The following CALU variants were observed in gnomAD, a reference collection of about 807,000 sequenced individuals.
CALU encodes calumenin, also known as IEF SSP 9302.
In CALU, 13 loss-of-function variants were observed where a neutral mutation model predicts 37.5. The observed-to-expected ratio is 0.35, with a 90% CI of 0.23 to 0.55. CALU has a LOEUF of 0.55. CALU is among the 20% of genes least tolerant of loss of function. The probability of loss-of-function intolerance (pLI) is 0.89; values close to 1 mark genes in which losing one functional copy is unlikely to be tolerated. For missense variants in CALU, 282 were observed against 391.7 expected, an observed-to-expected ratio of 0.72 and a Z score of 2.36; for synonymous variants, 114 against 133.8, an observed-to-expected ratio of 0.85 and a Z score of 1.02.
intron 1 of CALU, among the ~76,000 whole-genome samples, chr7:128,741,762 CT>C (rs1800251286): frequency 6.6e-6 from 1 of 152,170 alleles, no homozygotes; most frequent in South Asian, 2.1e-4. Context: ...GCTCCTATCC[CT>C]ACATTTCAAA....
intron 5 of CALU, chr7:128,761,429 A>C (rs1379957818): frequency 1.3e-5 from 2 of 152,214 alleles, no homozygotes; most frequent in Non-Finnish European, 2.9e-5. Context: ...CAAGTTCATC[A>C]TCAATATGGT....
At chr7:128,754,789 A>G (rs1039665850) in intron 3 of CALU, 2 of 882,320 alleles carry the variant, frequency 2.3e-6, no homozygotes, top group South Asian at 1.9e-5. Context: ...TGGGTCACAC[A>G]GTAAAGGAAA....
intron 5 of CALU, among the ~76,000 whole-genome samples, chr7:128,766,081 C>T (rs559321660): frequency 5.9e-5 from 9 of 152,140 alleles, no homozygotes; most frequent in Non-Finnish European, 1.2e-4. Flanking sequence ...CTCAGCCTCC[C>T]CAGTAGCTGG....
In CALU at chr7:128,758,962, C is replaced by T. The variant is rs751611721; in HGVS notation, c.507C>T (p.Leu169=). 2 of 1,613,706 alleles carry T rather than the reference C, an allele frequency of 1.2e-6. No individual in the cohort carries two copies. Among genetic ancestry groups the T allele is most frequent in the Non-Finnish European group, 1.7e-6 (2 of 1,179,656 alleles). Residue 169 remains leucine, a synonymous_variant, in exon 4 of 7, where the codon CTC becomes CTT. Transcript: ENST00000249364. ...RFKMADKDGD[L]IATKEEFTAF... ...AAATGGCAGACAAGGATGGAGACCT[C>T]ATTGCCACCAAGGAGGAGTTCACAG...
At chr7:128,741,737 CAACTAGA>C (rs1800249699) in intron 1 of CALU, among the ~76,000 whole-genome samples, 1 of 152,210 alleles carries the variant, frequency 6.6e-6, no homozygotes, top group Non-Finnish European at 1.5e-5. Context: ...AGCAAAATTA[CAACTAGA>C]AACCAAGGCT....
In CALU at chr7:128,769,282, G is replaced by T; in HGVS notation, c.*115G>T. ...CTACAAACTTTTTAAGACATGAAAA[G>T]GCGTAATGAAAACCATCCCGTCCCC... On this transcript the variant is annotated 3_prime_UTR_variant, in exon 7 of 7. Transcript: ENST00000249364. 1 of 602,820 alleles carries T rather than the reference G, an allele frequency of 1.7e-6. No homozygotes were observed. Among genetic ancestry groups the T allele is most frequent in the Non-Finnish European group, 2.9e-6 (1 of 343,048 alleles). The allele number at this position is 602,820 out of a possible 1,614,324, so 37.3% of individuals were successfully genotyped here.
chr7:128,752,120 T>C (rs115129344), intron 2 of CALU, among the ~76,000 whole-genome samples: 3,777 of 152,256 alleles, frequency 0.025, 187 homozygotes, highest in African/African-American at 0.086. Flanking sequence ...GAATGGCTTT[T>C]ACATTTTCAG....
chr7:128,740,705 C>T (rs1800206130), intron 1 of CALU, among the ~76,000 whole-genome samples: 2 of 151,998 alleles, frequency 1.3e-5, no homozygotes. Flanking sequence ...GTAGGAAAGC[C>T]ATGAGCTCAC....
chr7:128,755,116 G>A (rs1274262142), intron 3 of CALU, among the ~76,000 whole-genome samples: 2 of 147,680 alleles, frequency 1.4e-5, no homozygotes, highest in Non-Finnish European at 3.0e-5. Context: ...ACCAATCTGG[G>A]CAACATAGGG....
chr7:128,742,453 A>G (rs1264267656), intron 1 of CALU, among the ~76,000 whole-genome samples: 1 of 152,222 alleles, frequency 6.6e-6, no homozygotes, highest in Admixed American at 6.5e-5. Context: ...TCTTTGGTCA[A>G]CCATAATAAC....
rs1266722578 is a variant in CALU, at chr7:128,743,131, A to G, written c.-12+3699A>G. 2.6e-5 allele frequency among the ~76,000 whole-genome samples: 4 copies of G among 152,212 alleles called. No homozygotes were observed. In the East Asian group the frequency reaches 7.7e-4, roughly 29 times the overall value. On this transcript the variant is annotated intron_variant, in intron 1 of 6. Transcript: ENST00000249364. The stretch of plus-strand genomic sequence containing the variant: ...TAGTAGTCACATGTGGCTAGTGGCT[A>G]CTGTACTGGGCAGTACAGGCCTAGA...
At chr7:128,763,423 CAGG>C (rs1801200102) in intron 5 of CALU, among the ~76,000 whole-genome samples, 1 of 152,042 alleles carries the variant, frequency 6.6e-6, no homozygotes, top group African/African-American at 2.4e-5. Flanking sequence ...CCCAGCTACT[CAGG>C]AGGCTGAGGC....
In CALU at chr7:128,763,144, T is replaced by C. The variant is rs146158266; in HGVS notation, c.643+3292T>C. Among the ~76,000 whole-genome samples the C allele has an allele frequency of 2.0e-5, 3 of 152,340 alleles. No homozygotes were observed. In the East Asian group the frequency reaches 5.8e-4, roughly 29 times the overall value. ...CATTGAGGTATATATGTCTAAAATA[T>C]ATATGTGTTTCTAAAAACATTTTTT... On this transcript the variant is annotated intron_variant, in intron 5 of 6. Transcript: ENST00000249364.
chr7:128,759,117 A>G, intron 4 of CALU, 80 bp downstream of exon 4: 2 of 1,043,536 alleles, frequency 1.9e-6, no homozygotes, highest in East Asian at 2.4e-5. Context: ...TTAGCCTTAT[A>G]TAGCATATCT....
chr7:128,757,650 A>C (rs551354219), intron 3 of CALU, among the ~76,000 whole-genome samples: 8 of 152,292 alleles, frequency 5.3e-5, no homozygotes, highest in African/African-American at 1.9e-4. Context: ...AATATGTTGC[A>C]GGAACAATAA....
chr7:128,764,990 C>G (rs1283662290), intron 5 of CALU, among the ~76,000 whole-genome samples: 1 of 150,688 alleles, frequency 6.6e-6, no homozygotes, highest in African/African-American at 2.5e-5. Flanking sequence ...GGCACAATCA[C>G]AGCAGCCTCG....
At chr7:128,755,883 G>T (rs765553867) in intron 3 of CALU, among the ~76,000 whole-genome samples, 1 of 152,146 alleles carries the variant, frequency 6.6e-6, no homozygotes, top group Non-Finnish European at 1.5e-5. Context: ...AGCGTTCTCC[G>T]CCACTGACTA....
intron 1 of CALU, among the ~76,000 whole-genome samples, chr7:128,744,315 G>A (rs1313320396): frequency 6.6e-6 from 1 of 152,022 alleles, no homozygotes; most frequent in Admixed American, 6.6e-5. Flanking sequence ...TGTCTTAGAT[G>A]TCCTTTGTTT....
chr7:128,752,354 A>T (rs753547041), intron 2 of CALU, among the ~76,000 whole-genome samples: 1 of 152,194 alleles, frequency 6.6e-6, no homozygotes, highest in Non-Finnish European at 1.5e-5. Context: ...AGTCAACTTA[A>T]TTAAGAAAAG....
Sources: allele counts gnomAD v4.1 joint callset (sites outside exome capture counted in the v4.1 genomes callset), GRCh38; gene constraint gnomAD v4.1.1; transcripts MANE v1.5; gene names NCBI Gene and HGNC (gene_info 2026-07-23, HGNC 2026-07-21).